The following LINGO2 variants were observed in gnomAD, a reference collection of about 807,000 sequenced individuals.
LINGO2 encodes leucine-rich repeat and immunoglobulin-like domain-containing nogo receptor-interacting protein 2.
In LINGO2, 14 loss-of-function variants were observed where a neutral mutation model predicts 30.6. That is an observed-to-expected ratio of 0.46 (90% CI 0.30 to 0.72). LINGO2 has a LOEUF of 0.72. Ranked by LOEUF, LINGO2 falls within the 30% of genes least tolerant of loss-of-function variation. LINGO2 has a pLI of 0.07. For synonymous variants in LINGO2, 317 were observed against 288.5 expected, an observed-to-expected ratio of 1.10 and a Z score of -1.00; for missense variants, 729 against 751.7, an observed-to-expected ratio of 0.97 and a Z score of 0.35.
At chr9:29,015,605 G>C in the LINGO2 span, among the ~76,000 whole-genome samples, 1 of 152,080 alleles carries the variant, frequency 6.6e-6, no homozygotes, top group East Asian at 1.9e-4. Flanking sequence ...GCTGACCCCT[G>C]GTCTATACAA....
intron 4 of LINGO2, among the ~76,000 whole-genome samples, chr9:28,238,161 G>A (rs769049224): frequency 5.3e-5 from 8 of 151,002 alleles, no homozygotes; most frequent in Non-Finnish European, 8.9e-5. Flanking sequence ...AAGAGAGAGA[G>A]AGAGAGAGAT....
At chr9:28,870,718 CA>C in the LINGO2 span, among the ~76,000 whole-genome samples, 20,862 of 151,664 alleles carry the variant, frequency 0.14, 2,077 homozygotes, top group African/African-American at 0.28. Context: ...AAAGAAGCAA[CA>C]AAAAAGGACA....
chr9:28,302,811 A>T (rs1358265867), intron 3 of LINGO2, among the ~76,000 whole-genome samples: 2 of 152,202 alleles, frequency 1.3e-5, no homozygotes, highest in African/African-American at 4.8e-5. Flanking sequence ...GTCACATTGT[A>T]TGCTTTACAT....
At chr9:29,070,284 C>T in the LINGO2 span, among the ~76,000 whole-genome samples, 1 of 152,084 alleles carries the variant, frequency 6.6e-6, no homozygotes, top group African/African-American at 2.4e-5. Flanking sequence ...GTTAGATCTT[C>T]AGATTTCCTG....
intron 4 of LINGO2, among the ~76,000 whole-genome samples, chr9:28,198,513 T>C (rs1388011725): frequency 6.6e-6 from 1 of 152,190 alleles, no homozygotes; most frequent in Non-Finnish European, 1.5e-5. Flanking sequence ...GATGCAAAAA[T>C]GACAAAATAT....
At chr9:28,742,292 C>T in the LINGO2 span, among the ~76,000 whole-genome samples, 6 of 149,800 alleles carry the variant, frequency 4.0e-5, no homozygotes, top group Non-Finnish European at 8.9e-5. Context: ...AATTTCTGCA[C>T]TACACACAGG....
At chr9:28,492,801 A>C (rs747465623) in intron 1 of LINGO2, among the ~76,000 whole-genome samples, 16 of 152,102 alleles carry the variant, frequency 1.1e-4, no homozygotes, top group Non-Finnish European at 2.1e-4. Flanking sequence ...GAAGTCAATA[A>C]ATGCAGAACT....
chr9:27,945,297 T>G (rs574769228), downstream of LINGO2, among the ~76,000 whole-genome samples: 1 of 152,260 alleles, frequency 6.6e-6, no homozygotes, highest in East Asian at 1.9e-4. Context: ...AAGTCAGGCC[T>G]CAATGCAAAT....
intron 1 of LINGO2, among the ~76,000 whole-genome samples, chr9:28,520,212 A>G (rs1193465234): frequency 6.6e-6 from 1 of 152,098 alleles, no homozygotes; most frequent in African/African-American, 2.4e-5. Flanking sequence ...ACTGAGTAGA[A>G]ACTGATATTG....
At chr9:28,710,116 G>A in the LINGO2 span, among the ~76,000 whole-genome samples, 1 of 151,420 alleles carries the variant, frequency 6.6e-6, no homozygotes, top group Non-Finnish European at 1.5e-5. Context: ...ATGATATTAA[G>A]AGGTGGGGCC....
At chr9:28,059,663 G>A (rs535865129) in intron 4 of LINGO2, among the ~76,000 whole-genome samples, 2 of 152,072 alleles carry the variant, frequency 1.3e-5, no homozygotes, top group African/African-American at 2.4e-5. Flanking sequence ...GTGGGAAGAA[G>A]CATTTATAGA....
At chr9:28,001,131 CCAAA>C (rs1328130300) in intron 5 of LINGO2, among the ~76,000 whole-genome samples, 3 of 152,102 alleles carry the variant, frequency 2.0e-5, no homozygotes, top group Non-Finnish European at 4.4e-5. Context: ...ACAGAAGTTT[CCAAA>C]CAAATTTTTT....
At chr9:29,042,755 T>C in the LINGO2 span, among the ~76,000 whole-genome samples, 6 of 151,978 alleles carry the variant, frequency 3.9e-5, no homozygotes, top group Non-Finnish European at 8.8e-5. Context: ...TTGCCTCACA[T>C]CCTTATTTTT....
chr9:28,595,257 C>T (rs1206189729), intron 1 of LINGO2, among the ~76,000 whole-genome samples: 1 of 152,066 alleles, frequency 6.6e-6, no homozygotes, highest in Admixed American at 6.6e-5. Flanking sequence ...AATTGTGAGA[C>T]AGAAATACAT....
chr9:29,212,203 G>C, the LINGO2 span, among the ~76,000 whole-genome samples: 1 of 152,074 alleles, frequency 6.6e-6, no homozygotes, highest in Non-Finnish European at 1.5e-5. Context: ...CCGCGGCGCG[G>C]TGCGGAGCTC....
intron 1 of LINGO2, among the ~76,000 whole-genome samples, chr9:28,572,739 C>T (rs904153985): frequency 2.0e-5 from 3 of 152,078 alleles, no homozygotes; most frequent in African/African-American, 7.2e-5. Context: ...CAACAGCTTC[C>T]AGACAACTAC....
At chr9:27,945,790 C>T (rs1037510397), downstream of LINGO2, among the ~76,000 whole-genome samples, 31 of 152,146 alleles carry the variant, frequency 2.0e-4, no homozygotes, top group Admixed American at 5.9e-4. Context: ...GAGCTTTGCA[C>T]GCACAAAAAG....
intron 4 of LINGO2, among the ~76,000 whole-genome samples, chr9:28,017,536 A>G (rs1013357474): frequency 2.0e-5 from 3 of 152,156 alleles, no homozygotes; most frequent in Non-Finnish European, 4.4e-5. Context: ...TCATAAATCA[A>G]TATCTATAAA....
the LINGO2 span, among the ~76,000 whole-genome samples, chr9:28,825,269 G>A: frequency 6.6e-6 from 1 of 151,960 alleles, no homozygotes; most frequent in African/African-American, 2.4e-5. Context: ...GTCTATAACT[G>A]AGTGAAGCTG....
Sources: gnomAD v4.1 joint callset for allele counts (sites outside exome capture counted in the v4.1 genomes callset) on GRCh38, gnomAD v4.1.1 for gene constraint, MANE v1.5 for transcripts, NCBI Gene and HGNC (gene_info 2026-07-23, HGNC 2026-07-21) for gene names.